Variants in LRSAM1 observed in about 807,000 individuals in gnomAD.
LRSAM1 encodes the protein leucine rich repeat and sterile alpha motif containing 1, also known as E3 ubiquitin-protein ligase LRSAM1.
In LRSAM1, 96 loss-of-function variants were observed where a neutral mutation model predicts 118.1. The ratio of observed to expected loss-of-function variants is 0.81; its 90% CI spans 0.69 to 0.96. The LOEUF is 0.96. Ranked by LOEUF, LRSAM1 falls within the 40% of genes least tolerant of loss-of-function variation. LRSAM1 has a pLI of 0.00. For synonymous variants in LRSAM1, 322 were observed against 364.2 expected (o/e 0.88, Z 1.32); for missense variants, 804 against 915.5 (o/e 0.88, Z 1.57).
intron 12 of LRSAM1, 113 bp downstream of exon 12, chr9:127,479,076 T>C: frequency 8.4e-7 from 1 of 1,187,812 alleles, no homozygotes; most frequent in South Asian, 1.3e-5. Context: ...GAGGTCACAG[T>C]AATGCCTTCC....
rs144681769 is a variant in LRSAM1 at position 127,462,450 on chromosome 9, T to C, written c.528+77T>C. On this transcript the variant is annotated intron_variant, in intron 9 of 25. Transcript: ENST00000300417. ...CCTCTCTCCCACATTACTGAGTGCT[T>C]GCTCTGATCTCACGGTACCAGGGCC... The C allele has an allele frequency of 8.4e-3, 13,570 of 1,607,458 alleles. 96 individuals are homozygous for C. Among genetic ancestry groups the C allele is most frequent in the Non-Finnish European group, 9.0e-3 (10,617 of 1,175,650 alleles).
At chr9:127,455,084 T>C in intron 4 of LRSAM1, 30 bp downstream of exon 4, 1 of 1,610,120 alleles carries the variant, frequency 6.2e-7, no homozygotes, top group South Asian at 1.1e-5. Flanking sequence ...GGGCTGTGAA[T>C]TGGATCTGTC....
chr9:127,493,532 C>T (rs1425337737), intron 21 of LRSAM1, among the ~76,000 whole-genome samples: 2 of 152,172 alleles, frequency 1.3e-5, no homozygotes, highest in Non-Finnish European at 2.9e-5. Flanking sequence ...CAAGGCTGTC[C>T]GTGGCCCCTA....
chr9:127,498,298 C>T (rs1299437153), intron 24 of LRSAM1, among the ~76,000 whole-genome samples: 2 of 152,192 alleles, frequency 1.3e-5, no homozygotes, highest in Non-Finnish European at 2.9e-5. Context: ...CATTAAACTT[C>T]TTAGCTTTTT....
chr9:127,489,978 C>T (rs1334555194), intron 19 of LRSAM1, among the ~76,000 whole-genome samples: 1 of 152,220 alleles, frequency 6.6e-6, no homozygotes, highest in Non-Finnish European at 1.5e-5. Context: ...CACGGTGGTC[C>T]TGACGCCTGC....
At chr9:127,472,317 G>A (rs115721486) in intron 10 of LRSAM1, among the ~76,000 whole-genome samples, 64,504 of 150,948 alleles carry the variant, frequency 0.43, 14,462 homozygotes, top group Non-Finnish European at 0.49. Context: ...ATATATATGT[G>A]TGTGTAAAAT....
chr9:127,479,622 T>C, intron 13 of LRSAM1, 117 bp downstream of exon 13: 1 of 1,492,482 alleles, frequency 6.7e-7, no homozygotes, highest in Admixed American at 1.9e-5. Context: ...GTCACTTCCT[T>C]CTGTCCCCCA....
chr9:127,473,471 A>G (rs1835245594), intron 10 of LRSAM1, among the ~76,000 whole-genome samples: 1 of 152,232 alleles, frequency 6.6e-6, no homozygotes. Context: ...AAGGTCTCAC[A>G]TTCAGGGAAT....
At chr9:127,498,146 G>A (rs1002644020) in intron 24 of LRSAM1, among the ~76,000 whole-genome samples, 1 of 152,186 alleles carries the variant, frequency 6.6e-6, no homozygotes, top group African/African-American at 2.4e-5. Flanking sequence ...GAGCTGAGGC[G>A]AAGGTGGAGT....
At chr9:127,455,136 G>T in intron 4 of LRSAM1, 82 bp downstream of exon 4, 1 of 1,399,922 alleles carries the variant, frequency 7.1e-7, no homozygotes, top group South Asian at 1.2e-5. Context: ...GACAGAGGTG[G>T]ACTGGGGCTT....
rs775061917 is a variant in LRSAM1, at chr9:127,495,313, C to G, written c.1600-7C>G. The G allele has an allele frequency of 6.2e-7, 1 of 1,613,180 alleles. No individual in the cohort carries two copies. On this transcript the variant is annotated splice_region_variant and splice_polypyrimidine_tract_variant and intron_variant, in intron 21 of 25. Transcript: ENST00000300417. ...GTGACTAACATTGCCTGCTTCATTC[C>G]TGGCAGACGGAGTTAGAAGCCAAAA... is the stretch of plus-strand genomic sequence containing the variant.
intron 4 of LRSAM1, 62 bp downstream of exon 4, chr9:127,455,116 C>A: frequency 6.5e-7 from 1 of 1,544,390 alleles, no homozygotes; most frequent in South Asian, 1.1e-5. Context: ...GATCTTGTGT[C>A]CCTAGGAAAG....
At chr9:127,470,953 C>A (rs1287711828) in intron 10 of LRSAM1, 2 of 151,996 alleles carry the variant, frequency 1.3e-5, no homozygotes, top group African/African-American at 4.8e-5. Context: ...TCCACTCTTT[C>A]TCCTCTTCTC....
In LRSAM1 at chr9:127,486,552, C is replaced by T. The variant is rs538271891; in HGVS notation, c.1259+717C>T. 2.7e-3 allele frequency: 419 copies of T among 154,308 alleles called. 2 individuals are homozygous for T. Among genetic ancestry groups the T allele is most frequent in the South Asian group, 7.9e-3 (39 of 4,916 alleles). The allele number at this position is 154,308 out of a possible 1,614,324, so 9.6% of individuals were successfully genotyped here. On this transcript the variant is annotated intron_variant, in intron 17 of 25. Transcript: ENST00000300417. ...CACCCTCCAGGGCGCCTGGACTGTG[C>T]GGGCCTCCCCTGGGTCCCTGCAGAT...
chr9:127,452,324 A>T (rs1741692680), intron 2 of LRSAM1: 1 of 148,504 alleles, frequency 6.7e-6, no homozygotes, highest in African/African-American at 2.4e-5. Context: ...TCAGGGACGG[A>T]TGGGGGAGGG....
intron 24 of LRSAM1, among the ~76,000 whole-genome samples, chr9:127,499,537 A>AAAATAT (rs1554762092): frequency 1.7e-5 from 2 of 115,184 alleles, no homozygotes; most frequent in Non-Finnish European, 4.2e-5. Flanking sequence ...TCTAAAAAAA[A>AAAATAT]ATATATATAT....
intron 14 of LRSAM1, 131 bp from the exon 15 acceptor site, chr9:127,481,052 C>T: frequency 1.1e-6 from 1 of 895,926 alleles, no homozygotes; most frequent in Non-Finnish European, 1.8e-6. Flanking sequence ...TGGCTAAGAA[C>T]CCAGAGCTTC....
At chr9:127,463,198 CAAAA>C (rs35181083) in intron 9 of LRSAM1, among the ~76,000 whole-genome samples, 2 of 98,726 alleles carry the variant, frequency 2.0e-5, no homozygotes. Context: ...GACTTTGTCT[CAAAA>C]AAAAAAAAAA....
At chr9:127,452,325 T>TC (rs1554752700) in intron 2 of LRSAM1, 3 of 152,112 alleles carry the variant, frequency 2.0e-5, no homozygotes, top group Admixed American at 1.3e-4. Flanking sequence ...CAGGGACGGA[T>TC]GGGGGAGGGC....
Sources: gnomAD v4.1 joint callset for allele counts (sites outside exome capture counted in the v4.1 genomes callset) on GRCh38, gnomAD v4.1.1 for gene constraint, MANE v1.5 for transcripts, NCBI Gene and HGNC (gene_info 2026-07-23, HGNC 2026-07-21) for gene names.